The following GNG4 variants were observed in gnomAD, a reference collection of about 807,000 sequenced individuals.
GNG4 encodes the protein guanine nucleotide-binding protein G(I)/G(S)/G(O) subunit gamma-4.
In GNG4, 4 loss-of-function variants were observed where a neutral mutation model predicts 5.8. The observed-to-expected ratio is 0.69, with a 90% CI of 0.34 to 1.57. The LOEUF is 1.57. Among genes scored for constraint, GNG4 ranks in the 40% most tolerant of loss-of-function variants. GNG4 has a pLI of 0.06. For missense variants in GNG4, 96 were observed against 95.1 expected (o/e 1.01, Z -0.04); for synonymous variants, 29 against 32.9 (o/e 0.88, Z 0.41).
chr1:235,584,994 G>A (rs779220820), intron 2 of GNG4, among the ~76,000 whole-genome samples: 1 of 152,072 alleles, frequency 6.6e-6, no homozygotes, highest in South Asian at 2.1e-4. Context: ...TATTCACACA[G>A]GTGTCACTTT....
At chr1:235,558,514 G>A (rs937455285) in intron 3 of GNG4, among the ~76,000 whole-genome samples, 3 of 152,174 alleles carry the variant, frequency 2.0e-5, no homozygotes, top group East Asian at 1.9e-4. Context: ...CAGTATCCAG[G>A]TATTAATTAA....
At chr1:235,587,686 CGAGTGT>C (rs1687845078) in intron 2 of GNG4, among the ~76,000 whole-genome samples, 5 of 18,076 alleles carry the variant, frequency 2.8e-4, no homozygotes, top group African/African-American at 6.9e-4. Context: ...GGTATGTGTG[CGAGTGT>C]TGGGTGTCTG....
chr1:235,563,691 T>G (rs1268711155), intron 3 of GNG4, among the ~76,000 whole-genome samples: 16 of 152,216 alleles, frequency 1.1e-4, no homozygotes. Flanking sequence ...ATCTTGCAAC[T>G]TGGCACATGT....
rs1657442706 is a variant in GNG4, at chr1:235,644,432, G to A, written c.-123+5230C>T. On this transcript the variant is annotated intron_variant, in intron 1 of 3. Transcript: ENST00000391854. This position sits in a 1 kb window ranked among gnomAD's most constrained non-coding sequence, Gnocchi z 5.9. ...ACTCCAGGCCCACCACTGCCCTTGG[G>A]CATGAGCAAGCCTGACGCTGTCTCT... Among the ~76,000 whole-genome samples, 1 of 152,132 alleles carries A rather than the reference G, an allele frequency of 6.6e-6. No homozygotes were observed. Among genetic ancestry groups the A allele is most frequent in the South Asian group, 2.1e-4 (1 of 4,816 alleles).
chr1:235,641,956 G>T (rs1657340641), intron 1 of GNG4, among the ~76,000 whole-genome samples: 1 of 152,100 alleles, frequency 6.6e-6, no homozygotes, highest in East Asian at 1.9e-4. Flanking sequence ...TTGATTTTCT[G>T]ACTTCTTATC....
At position 235,549,395 on chromosome 1, in the gene GNG4, C is replaced by T. The variant is rs1315381414; in HGVS notation, c.*2714G>A. 6.6e-6 allele frequency: 1 copy of T among 152,236 alleles called. No homozygotes were observed. Among genetic ancestry groups the T allele is most frequent in the Non-Finnish European group, 1.5e-5 (1 of 68,124 alleles). 9.4% of individuals were successfully genotyped at this position (152,236 alleles called of 1,614,324 possible). A position where few individuals can be genotyped will look rare whatever the true frequency, so the allele number is the denominator to read the frequency against. ...GGAGGCTGAATCTGGAGGGACGGGGCATGTAAAAACAACAGGGAGAAGGTT... is the reference window on the plus strand; with the variant it reads ...GGAGGCTGAATCTGGAGGGACGGGGTATGTAAAAACAACAGGGAGAAGGTT... On this transcript the variant is annotated 3_prime_UTR_variant, in exon 4 of 4. Transcript: ENST00000391854.
At chr1:235,600,110 T>TTTTTTTTTTTTTTTTTTTTA (rs1688224271) in intron 1 of GNG4, among the ~76,000 whole-genome samples, 1 of 125,740 alleles carries the variant, frequency 8.0e-6, no homozygotes, top group Non-Finnish European at 1.7e-5. Context: ...CTTTTTTTTT[T>TTTTTTTTTTTTTTTTTTTTA]TTTTTTTTTT....
chr1:235,576,626 G>C (rs780058627), intron 3 of GNG4, among the ~76,000 whole-genome samples: 2 of 152,196 alleles, frequency 1.3e-5, no homozygotes, highest in African/African-American at 2.4e-5. Context: ...CTGCTGATAA[G>C]AGTTTGCAAA....
rs1405021009 is a variant in GNG4, at chr1:235,548,508, C to G, written c.*3601G>C. 3 of 152,432 alleles carry G rather than the reference C, an allele frequency of 2.0e-5. No homozygotes were observed. The highest frequency in any genetic ancestry group is 2.0e-4 in the Admixed American group (3 of 15,272). The allele number at this position is 152,432 out of a possible 1,614,324, so 9.4% of individuals were successfully genotyped here. A position where few individuals can be genotyped will look rare whatever the true frequency, so the allele number is the denominator to read the frequency against. ...CCACGGTGGCTTCCTTGAAATGAGT[C>G]TCAGCATCCCTTCATTTGTGTCACA... On this transcript the variant is annotated 3_prime_UTR_variant, in exon 4 of 4. Transcript: ENST00000391854.
intron 2 of GNG4, among the ~76,000 whole-genome samples, chr1:235,587,639 GA>G: frequency 1.2e-4 from 1 of 8,032 alleles, no homozygotes; most frequent in African/African-American, 5.8e-4. Context: ...GGTGGAGTGT[GA>G]GTGTGGGAGG....
At chr1:235,562,659 G>GAAAAAAAAAAAAAAAAA (rs1318706984) in intron 3 of GNG4, among the ~76,000 whole-genome samples, 4 of 51,276 alleles carry the variant, frequency 7.8e-5, no homozygotes, top group Non-Finnish European at 1.2e-4. Flanking sequence ...AAAAAAAAAA[G>GAAAAAAAAAAAAAAAAA]AAAAAAAAAA....
chr1:235,587,503 GTGAA>G (rs1331288092), intron 2 of GNG4, among the ~76,000 whole-genome samples: 9 of 45,442 alleles, frequency 2.0e-4, no homozygotes, highest in African/African-American at 3.1e-4. Context: ...GTGGGGGTGT[GTGAA>G]TGTGAGGTGG....
chr1:235,603,353 C>T (rs1254662753), intron 1 of GNG4, among the ~76,000 whole-genome samples: 1 of 152,044 alleles, frequency 6.6e-6, no homozygotes, highest in Non-Finnish European at 1.5e-5. Flanking sequence ...AAGGGCACAG[C>T]CTTTCTATCT....
intron 3 of GNG4, among the ~76,000 whole-genome samples, chr1:235,571,463 G>A (rs994061): frequency 1.3e-5 from 2 of 152,202 alleles, no homozygotes; most frequent in African/African-American, 4.8e-5. Flanking sequence ...AGAACAACGC[G>A]TATTAAGCAC....
At chr1:235,564,814 T>A (rs1018055570) in intron 3 of GNG4, among the ~76,000 whole-genome samples, 5 of 152,056 alleles carry the variant, frequency 3.3e-5, no homozygotes, top group Non-Finnish European at 5.9e-5. Context: ...GCCCCCCGAG[T>A]AGCTGGGACC....
At chr1:235,552,395 T>G (rs1024530151) in intron 3 of GNG4, among the ~76,000 whole-genome samples, 158 bp from the exon 4 acceptor site, 1 of 152,126 alleles carries the variant, frequency 6.6e-6, no homozygotes, top group African/African-American at 2.4e-5. Context: ...GGAGGGTTTG[T>G]GCAGATCTAG....
At chr1:235,594,898 C>T (rs1263358168) in intron 2 of GNG4, among the ~76,000 whole-genome samples, 2 of 152,202 alleles carry the variant, frequency 1.3e-5, no homozygotes, top group East Asian at 1.9e-4. Flanking sequence ...GAGGAGGCGC[C>T]GAGAGCGAGC....
intron 1 of GNG4, among the ~76,000 whole-genome samples, chr1:235,628,928 A>T (rs1688877268): frequency 6.7e-6 from 1 of 150,064 alleles, no homozygotes; most frequent in South Asian, 2.1e-4. Context: ...ATGGACATGC[A>T]TTTCCTCTCT....
rs532732956 is a variant in GNG4, at chr1:235,579,951, A to G, written c.99+3789T>C. On this transcript the variant is annotated intron_variant, in intron 3 of 3. Coordinates refer to ENST00000391854, the MANE Select transcript of GNG4 (RefSeq NM_001098722.2). The stretch of plus-strand genomic sequence containing the variant: ...GGAACCAAAGTAAAGACTCCAACAG[A>G]TACCTGCACACCCATGTTCCTAACA... Among the ~76,000 whole-genome samples the G allele has an allele frequency of 2.3e-4, 35 of 152,270 alleles. No homozygotes were observed. In the South Asian group the frequency reaches 7.3e-3, roughly 32 times the overall value.
Sources: allele counts gnomAD v4.1 joint callset (sites outside exome capture counted in the v4.1 genomes callset), GRCh38; gene constraint gnomAD v4.1.1; non-coding constraint Gnocchi (gnomAD v3.1); transcripts MANE v1.5; gene names NCBI Gene and HGNC (gene_info 2026-07-23, HGNC 2026-07-21).